Variants in RIN2 observed in about 807,000 individuals in gnomAD.
The protein encoded by RIN2 is Ras and Rab interactor 2.
Under a neutral mutation model 78.0 loss-of-function variants are expected in RIN2, and 36 were observed. The ratio of observed to expected loss-of-function variants is 0.46; its 90% CI spans 0.35 to 0.61. RIN2 has a LOEUF of 0.61. Ranked by LOEUF, RIN2 falls within the 20% of genes least tolerant of loss-of-function variation. RIN2 has a pLI of 0.00. For missense variants in RIN2, 1,087 were observed against 1,159.7 expected (o/e 0.94, Z 0.91); for synonymous variants, 466 against 466.8 (o/e 1.00, Z 0.02).
chr20:19,859,246 A>AG (rs2037259030), intron 2 of RIN2, among the ~76,000 whole-genome samples: 1 of 152,230 alleles, frequency 6.6e-6, no homozygotes, highest in Admixed American at 6.5e-5. Flanking sequence ...GTGGCTGCAG[A>AG]GACGCCCCTG....
chr20:19,984,760 C>G (rs2042573902), intron 9 of RIN2, among the ~76,000 whole-genome samples: 1 of 152,188 alleles, frequency 6.6e-6, no homozygotes, highest in African/African-American at 2.4e-5. Context: ...GAGTGAGACT[C>G]TGTCTCAAAA....
intron 3 of RIN2, chr20:19,896,091 AAT>A (rs1226990623): frequency 6.6e-6 from 1 of 152,226 alleles, no homozygotes; most frequent in Non-Finnish European, 1.5e-5. Context: ...GCACAGTAAC[AAT>A]GTACTGTGGA....
chr20:19,969,792 CT>C (rs1197562649), intron 7 of RIN2, among the ~76,000 whole-genome samples: 1 of 152,078 alleles, frequency 6.6e-6, no homozygotes, highest in South Asian at 2.1e-4. Flanking sequence ...ACAAACCCTC[CT>C]TTTTGATTAA....
At chr20:19,828,862 G>A (rs2036172726) in intron 2 of RIN2, among the ~76,000 whole-genome samples, 1 of 152,024 alleles carries the variant, frequency 6.6e-6, no homozygotes, top group South Asian at 2.1e-4. Flanking sequence ...TGATCATTGG[G>A]ATGGTCCAAC....
At chr20:19,793,969 C>T (rs2034969654) in intron 1 of RIN2, among the ~76,000 whole-genome samples, 1 of 152,154 alleles carries the variant, frequency 6.6e-6, no homozygotes, top group Non-Finnish European at 1.5e-5. Context: ...ATGAAGATAA[C>T]ACAGGCAGGA....
chr20:19,980,781 G>A (rs1023532673), intron 9 of RIN2, among the ~76,000 whole-genome samples: 1 of 152,136 alleles, frequency 6.6e-6, no homozygotes, highest in Non-Finnish European at 1.5e-5. Context: ...CCGCATAGAC[G>A]CAGCCCTCCC....
intron 3 of RIN2, among the ~76,000 whole-genome samples, chr20:19,909,553 C>G (rs1406307467): frequency 6.6e-6 from 1 of 152,194 alleles, no homozygotes; most frequent in Non-Finnish European, 1.5e-5. Flanking sequence ...CCGGCACACA[C>G]TCTGCACCCT....
chr20:19,844,601 C>CTTCT (rs2036683872), intron 2 of RIN2, among the ~76,000 whole-genome samples: 3 of 123,140 alleles, frequency 2.4e-5, no homozygotes, highest in South Asian at 2.9e-4. Context: ...CTGCTTCTTC[C>CTTCT]TCTTCTTCTT....
intron 1 of RIN2, among the ~76,000 whole-genome samples, chr20:19,788,110 G>T (rs1174390852): frequency 1.3e-5 from 2 of 152,146 alleles, no homozygotes; most frequent in African/African-American, 4.8e-5. Flanking sequence ...AAGGGTATGT[G>T]CAAGCCATGT....
In RIN2 at chr20:20,000,909, CG is replaced by C. The variant is rs780844278; in HGVS notation, c.2665del (p.Glu889LysfsTer61). On this transcript the variant is annotated frameshift_variant, in exon 13 of 13. Coordinates refer to ENST00000255006, the MANE Select transcript of RIN2 (RefSeq NM_018993.4). LOFTEE classifies it high-confidence loss of function. ...ATCCTTATGGCATCATTTTCCAGAA[CG>C]GGGAAGAAGACCTCACCACCTCCTA... ...NDPYGIIFQN[G>X]EEDLTTS The C allele has an allele frequency of 2.5e-6, 4 of 1,612,544 alleles. No homozygotes were observed. The Admixed American group carries it at 6.7e-5, about 27-fold the overall frequency.
At chr20:19,830,863 T>G (rs952257575) in intron 2 of RIN2, among the ~76,000 whole-genome samples, 26 of 152,216 alleles carry the variant, frequency 1.7e-4, no homozygotes, top group Admixed American at 1.4e-3. Context: ...CGATGACTGA[T>G]GCTGGTGGGG....
At chr20:19,889,734 G>A in intron 3 of RIN2, 76 bp downstream of exon 3, 3 of 1,180,870 alleles carry the variant, frequency 2.5e-6, no homozygotes, top group Non-Finnish European at 3.5e-6. Flanking sequence ...GCTCCATGGA[G>A]CTGCTGAGGG....
chr20:19,940,372 T>C (rs577751090), intron 4 of RIN2, among the ~76,000 whole-genome samples: 6 of 152,130 alleles, frequency 3.9e-5, no homozygotes, highest in African/African-American at 2.4e-5. Flanking sequence ...CACCAACCGG[T>C]GCATAAAAAA....
At chr20:19,782,393 C>T (rs1176611577) in intron 1 of RIN2, among the ~76,000 whole-genome samples, 2 of 151,844 alleles carry the variant, frequency 1.3e-5, no homozygotes, top group African/African-American at 4.8e-5. Context: ...GGTGAAACCC[C>T]GCTTCTACTA....
intron 9 of RIN2, among the ~76,000 whole-genome samples, chr20:19,989,166 G>C (rs1309019249): frequency 6.6e-6 from 1 of 151,844 alleles, no homozygotes; most frequent in African/African-American, 2.4e-5. Flanking sequence ...GGCTGTATTC[G>C]ATGCCCCACT....
Position 19,975,183 on chromosome 20 carries a change from G to A in RIN2, c.1158G>A (p.Pro386=), listed in dbSNP as rs548499908. ...TLSGGRPGAG[P]ELELGTAGSP... is the part of the protein sequence containing the mutation. ...GCGGCGGCCGGCCGGGCGCAGGCCC[G>A]GAGCTGGAGCTGGGCACAGCTGGCA... The change falls in exon 9 of 13, where the codon CCG becomes CCA. Residue 386 remains proline (P), a synonymous_variant. Transcript: ENST00000255006. The surrounding 1 kb of genome is among the most constrained non-coding windows in gnomAD (Gnocchi z 4.9). 8.7e-6 allele frequency: 14 copies of A among 1,606,928 alleles called. No individual in the cohort carries two copies. Among genetic ancestry groups the A allele is most frequent in the South Asian group, 3.3e-5 (3 of 90,584 alleles).
At chr20:19,808,563 C>T (rs1568770678) in intron 2 of RIN2, among the ~76,000 whole-genome samples, 2 of 152,188 alleles carry the variant, frequency 1.3e-5, no homozygotes, top group South Asian at 4.1e-4. Flanking sequence ...TTCTAAAGCA[C>T]GAGGTGCCTC....
chr20:19,888,249 C>T (rs6075589), intron 2 of RIN2, among the ~76,000 whole-genome samples: 142 of 152,280 alleles, frequency 9.3e-4, no homozygotes, highest in African/African-American at 3.3e-3. Context: ...CTATTGTTTT[C>T]TAGATGGGAT....
At chr20:19,860,482 G>A (rs988679223) in intron 2 of RIN2, among the ~76,000 whole-genome samples, 1 of 109,112 alleles carries the variant, frequency 9.2e-6, no homozygotes, top group South Asian at 2.6e-4. Context: ...ACCACACCCA[G>A]CTAATTTTTT....
Sources: allele counts gnomAD v4.1 joint callset (sites outside exome capture counted in the v4.1 genomes callset), GRCh38; gene constraint gnomAD v4.1.1; non-coding constraint Gnocchi (gnomAD v3.1); transcripts MANE v1.5; gene names NCBI Gene and HGNC (gene_info 2026-07-23, HGNC 2026-07-21).